EYS: variants seen among roughly 807,000 people sequenced by gnomAD.
EYS encodes the protein protein eyes shut homolog.
EYS carries 250 observed loss-of-function variants against 282.1 expected under a neutral mutation model. The observed-to-expected ratio is 0.89, with a 90% CI of 0.80 to 0.98. The LOEUF is 0.98. EYS is among the 50% of genes least tolerant of loss of function. EYS has a pLI of 0.00. For synonymous variants in EYS, 1,355 were observed against 1,282.9 expected (o/e 1.06, Z -1.20); for missense variants, 4,016 against 3,709.0 (o/e 1.08, Z -2.15).
At chr6:63,965,936 T>A (rs2149779466) in intron 35 of EYS, among the ~76,000 whole-genome samples, 1 of 152,332 alleles carries the variant, frequency 6.6e-6, no homozygotes, top group Admixed American at 6.5e-5. Flanking sequence ...GGATATGGGC[T>A]AAAATCCCAG....
intron 26 of EYS, among the ~76,000 whole-genome samples, chr6:64,587,271 T>C (rs915454847): frequency 5.3e-5 from 8 of 152,052 alleles, no homozygotes; most frequent in Non-Finnish European, 1.5e-5. Flanking sequence ...CTACCTTAGC[T>C]ACTTTTCTAT....
At chr6:64,580,817 G>C (rs919140540) in intron 26 of EYS, among the ~76,000 whole-genome samples, 3 of 152,066 alleles carry the variant, frequency 2.0e-5, no homozygotes, top group African/African-American at 4.8e-5. Flanking sequence ...GCCAAAACTG[G>C]AGTTGTAATA....
intron 12 of EYS, among the ~76,000 whole-genome samples, chr6:65,261,894 G>A (rs953767501): frequency 2.0e-5 from 3 of 151,924 alleles, no homozygotes; most frequent in Non-Finnish European, 2.9e-5. Flanking sequence ...AAAGCACCAC[G>A]ATATTATTTG....
rs557282811 is a variant in EYS, at chr6:65,122,188, A to G, written c.2024-64461T>C. On this transcript the variant is annotated intron_variant, in intron 12 of 42. Transcript: ENST00000503581. ...TGTTTTAACAAGTAAAACATTAAATAAAGTACAGAATAACATATGCACAGA... is the reference window on the plus strand; with the variant it reads ...TGTTTTAACAAGTAAAACATTAAATGAAGTACAGAATAACATATGCACAGA... Among the ~76,000 whole-genome samples the G allele has an allele frequency of 7.2e-5, 11 of 152,310 alleles. No individual in the cohort carries two copies. In the East Asian group the frequency reaches 1.9e-3, roughly 27 times the overall value.
chr6:63,940,020 G>A (rs1228796865), intron 35 of EYS, among the ~76,000 whole-genome samples: 2 of 152,160 alleles, frequency 1.3e-5, no homozygotes, highest in Admixed American at 6.5e-5. Flanking sequence ...CTTAAAATGC[G>A]ATGTGACCTA....
intron 30 of EYS, among the ~76,000 whole-genome samples, chr6:64,235,223 A>G (rs1300187230): frequency 6.6e-6 from 1 of 150,574 alleles, no homozygotes; most frequent in East Asian, 2.0e-4. Context: ...ATATCTCCTA[A>G]TGCTATCCCT....
chr6:64,814,443 T>C (rs1208656271), intron 21 of EYS, among the ~76,000 whole-genome samples: 2 of 152,032 alleles, frequency 1.3e-5, no homozygotes, highest in Non-Finnish European at 2.9e-5. Flanking sequence ...TCTTTCTTTC[T>C]TCTCCACTCT....
rs1033509618 is a variant in EYS at position 64,081,951 on chromosome 6, G to C, written c.6476C>G (p.Pro2159Arg). ...CTTCTCCAGGACAAACTTCAAAAAG[G>C]GCAGTTCTAAATAGGAATTCCCATT... ...SFNGNSYLEL[P>R]FLKFVLEKEH... Residue 2159 changes from proline (P) to arginine (R), a missense_variant, in exon 32 of 43, where the codon CCC (proline) becomes CGC (arginine). Coordinates refer to ENST00000503581, the MANE Select transcript of EYS (RefSeq NM_001142800.2). 6.5e-7 allele frequency: 1 copy of C among 1,545,214 alleles called. No homozygotes were observed.
rs554632560 is a variant in EYS, at chr6:65,295,226, A to G, written c.2023+637T>C. Among the ~76,000 whole-genome samples, 423 of 151,116 alleles carry G rather than the reference A, an allele frequency of 2.8e-3. 2 individuals are homozygous for G. The highest frequency in any genetic ancestry group is 1.0e-2 in the African/African-American group (406 of 40,628). ...GTTCTGATTTTATAAGGTAATGATA[A>G]TAAGTTTGAAATTACTATAAATAAT... is the stretch of plus-strand genomic sequence containing the variant. On this transcript the variant is annotated intron_variant, in intron 12 of 42. Coordinates refer to ENST00000503581, the MANE Select transcript of EYS (RefSeq NM_001142800.2).
chr6:65,354,740 C>G (rs1043294505), intron 8 of EYS, among the ~76,000 whole-genome samples: 3 of 151,852 alleles, frequency 2.0e-5, no homozygotes, highest in Non-Finnish European at 2.9e-5. Flanking sequence ...TCACTTGAAC[C>G]AGGGACGCAG....
At chr6:64,939,155 A>G (rs1034084489) in intron 15 of EYS, among the ~76,000 whole-genome samples, 1 of 151,848 alleles carries the variant, frequency 6.6e-6, no homozygotes, top group South Asian at 2.1e-4. Context: ...ACAATCTAGA[A>G]AAGCCAATAT....
At chr6:64,930,709 A>G (rs2150086909) in intron 15 of EYS, among the ~76,000 whole-genome samples, 1 of 152,216 alleles carries the variant, frequency 6.6e-6, no homozygotes, top group Middle Eastern at 3.4e-3. Context: ...CAAACTAAGG[A>G]AAAAAATGCT....
intron 22 of EYS, among the ~76,000 whole-genome samples, chr6:64,784,391 G>C (rs1368332568): frequency 6.6e-6 from 1 of 151,882 alleles, no homozygotes; most frequent in Admixed American, 6.6e-5. Context: ...GCTTTATTAA[G>C]TTTTTTTAAA....
chr6:64,474,404 A>T (rs1776205634), intron 26 of EYS, among the ~76,000 whole-genome samples: 1 of 152,260 alleles, frequency 6.6e-6, no homozygotes, highest in Non-Finnish European at 1.5e-5. Context: ...ATTTTCTAGT[A>T]GCATAAACTC....
intron 17 of EYS, 49 bp from the exon 18 acceptor site, chr6:64,902,269 C>A (rs1257605004): frequency 1.4e-6 from 2 of 1,396,286 alleles, no homozygotes; most frequent in Non-Finnish European, 2.0e-6. Context: ...TGTATAAAAT[C>A]AATGCTTCAA....
intron 1 of EYS, among the ~76,000 whole-genome samples, chr6:65,644,950 C>A (rs1444719372): frequency 6.6e-6 from 1 of 152,104 alleles, no homozygotes; most frequent in Non-Finnish European, 1.5e-5. Flanking sequence ...AATAGAACCT[C>A]CTTAAAGCAT....
intron 31 of EYS, among the ~76,000 whole-genome samples, chr6:64,098,865 A>G (rs1772728311): frequency 6.6e-6 from 1 of 152,108 alleles, no homozygotes; most frequent in Non-Finnish European, 1.5e-5. Flanking sequence ...GGCCTCCCAA[A>G]GTGCTGGGAT....
chr6:64,402,237 T>G (rs1773558006), intron 28 of EYS, among the ~76,000 whole-genome samples: 1 of 152,218 alleles, frequency 6.6e-6, no homozygotes, highest in Admixed American at 6.5e-5. Flanking sequence ...CATTTTTGCA[T>G]TCAATTACAT....
intron 26 of EYS, among the ~76,000 whole-genome samples, chr6:64,573,281 G>T (rs1562069382): frequency 6.6e-6 from 1 of 152,174 alleles, no homozygotes; most frequent in Non-Finnish European, 1.5e-5. Flanking sequence ...ACTCCAAATG[G>T]ATTAAAGACT....
Sources: allele counts gnomAD v4.1 joint callset (sites outside exome capture counted in the v4.1 genomes callset), GRCh38; gene constraint gnomAD v4.1.1; transcripts MANE v1.5; gene names NCBI Gene and HGNC (gene_info 2026-07-23, HGNC 2026-07-21).